Variants in SCO2 observed in about 807,000 individuals in gnomAD.
SCO2 encodes cytochrome c oxidase assembly factor SCO2.
For synonymous variants in SCO2, 195 were observed against 148.6 expected, an observed-to-expected ratio of 1.31 and a Z score of -2.27; for missense variants, 429 against 348.7, an observed-to-expected ratio of 1.23 and a Z score of -1.83.
chr22:50,524,021 T>A lies in SCO2; in HGVS notation c.391A>T (p.Thr131Ser), dbSNP rs2069210487. ...GQWVLMYFGF[T>S]HCPDICPDEL... ...TCTGGGCAGATGTCAGGGCAGTGAG[T>A]GAAGCCAAAGTACATCAGCACCCAC... Residue 131 changes from threonine (T) to serine (S), a missense_variant, in exon 2 of 2, where the codon ACT becomes TCT. Thr to Ser is a moderately conservative substitution (Grantham distance 58, BLOSUM62 1). Transcript: ENST00000395693. 1 of 1,613,336 alleles carries A rather than the reference T, an allele frequency of 6.2e-7. No homozygotes were observed. The highest frequency in any genetic ancestry group is 8.5e-7 in the Non-Finnish European group (1 of 1,180,008).
upstream of SCO2, chr22:50,525,866 C>G: frequency 6.3e-7 from 1 of 1,595,044 alleles, no homozygotes; most frequent in African/African-American, 1.3e-5. Context: ...GGGCGCGGCT[C>G]TGCGGGCCGC....
upstream of SCO2, chr22:50,526,037 C>T (rs940407207): frequency 6.1e-6 from 9 of 1,478,444 alleles, no homozygotes; most frequent in African/African-American, 2.9e-5. Flanking sequence ...ACCAGCAGCT[C>T]TGCGCCCACC....
At chr22:50,525,707 T>G (rs574821003), upstream of SCO2, 60 of 1,573,066 alleles carry the variant, frequency 3.8e-5, no homozygotes, top group East Asian at 6.8e-4. Context: ...GGCCCCCGCC[T>G]CCGCAGCCCT....
At position 50,525,470 on chromosome 22, in the gene SCO2, ACCTCGCGGCGGGGC is replaced by A; in HGVS notation, c.-26_-14+1del. 2.1e-6 allele frequency: 1 copy of A among 465,722 alleles called. No homozygotes were observed. Among genetic ancestry groups the A allele is most frequent in the South Asian group, 2.3e-5 (1 of 42,604 alleles). The allele number at this position is 465,722 out of a possible 1,614,324, so 28.8% of individuals were successfully genotyped here. A position where few individuals can be genotyped will look rare whatever the true frequency, so the allele number is the denominator to read the frequency against. ...CTCCCCTCCCAGCCCCGGCGTCCGC[ACCTCGCGGCGGGGC>A]CGCGCGTCAGTGGACCAAGCACGAG... On this transcript the variant is annotated splice_donor_variant and 5_prime_UTR_variant, in exon 1 of 2. Transcript: ENST00000395693. LOFTEE classifies it low-confidence loss of function (5UTR_SPLICE).
intron 1 of SCO2, 44 bp from the exon 2 acceptor site, chr22:50,524,468 G>T: frequency 6.3e-7 from 1 of 1,575,346 alleles, no homozygotes; most frequent in South Asian, 1.1e-5. Context: ...GGAAGGCCCA[G>T]GACAGTGCCT....
At chr22:50,525,317 G>C in intron 1 of SCO2, 155 bp downstream of exon 1, 2 of 240,598 alleles carry the variant, frequency 8.3e-6, no homozygotes, top group Non-Finnish European at 1.7e-5. Context: ...TGCCTGCTGG[G>C]AGCCTCCCAC....
chr22:50,525,676 G>C, upstream of SCO2: 4 of 1,534,180 alleles, frequency 2.6e-6, no homozygotes, highest in South Asian at 1.2e-5. Flanking sequence ...AGCCCGCCGG[G>C]GGTCACGTGT....
At chr22:50,525,932 G>A, upstream of SCO2, 3 of 1,442,058 alleles carry the variant, frequency 2.1e-6, no homozygotes, top group Middle Eastern at 2.4e-4. Context: ...CAGAGCGAGG[G>A]GCTGTTAGAG....
chr22:50,524,893 A>C, intron 1 of SCO2: 1 of 334,896 alleles, frequency 3.0e-6, no homozygotes, highest in Non-Finnish European at 5.9e-6. Context: ...TCCCAGCAGA[A>C]AACCTGCACG....
At chr22:50,525,767 G>T (rs372620403), upstream of SCO2, 25 of 1,610,702 alleles carry the variant, frequency 1.6e-5, no homozygotes, top group Non-Finnish European at 2.1e-5. Flanking sequence ...CGGCAAAGGA[G>T]CTTTATTGCT....
chr22:50,524,868 G>A (rs1360729011), intron 1 of SCO2: 3 of 358,090 alleles, frequency 8.4e-6, no homozygotes, highest in African/African-American at 6.5e-5. Context: ...AACCAACCGC[G>A]GCCTTCCTCC....
chr22:50,523,886 C>T lies in SCO2; in HGVS notation c.526G>A (p.Ala176Thr), dbSNP rs915461101. The change falls in exon 2 of 2, where the codon GCC becomes ACC. Residue 176 changes from alanine (A) to threonine (T), a missense_variant. Coordinates refer to ENST00000395693, the MANE Select transcript of SCO2 (RefSeq NM_005138.3). ...TVDPERDDVE[A>T]MARYVQDFHP... Reference sequence around the variant, plus strand: ...AAGTCCTGGACGTAGCGGGCCATGGCTTCAACGTCGTCCCGCTCGGGGTCC... The same window carrying T: ...AAGTCCTGGACGTAGCGGGCCATGGTTTCAACGTCGTCCCGCTCGGGGTCC... 5 of 1,613,914 alleles carry T rather than the reference C, an allele frequency of 3.1e-6. No homozygotes were observed. Among genetic ancestry groups the T allele is most frequent in the Non-Finnish European group, 3.4e-6 (4 of 1,180,022 alleles).
In SCO2 at chr22:50,524,288, C is replaced by T. The variant is rs1366092916; in HGVS notation, c.124G>A (p.Gly42Ser). ...CCCTGCCCACCTGTCTCTGCAGGGC[C>T]CTGCCTTGACAAAAGCCAGGACCTC... is the stretch of plus-strand genomic sequence containing the variant. The part of the protein sequence containing the change: ...HLRSWLLSRQ[G>S]PAETGGQGQP... The change falls in exon 2 of 2, where the codon GGC becomes AGC. Residue 42 changes from glycine (G) to serine (S), a missense_variant. Gly to Ser is a moderately conservative substitution (Grantham distance 56, BLOSUM62 0). Coordinates refer to ENST00000395693, the MANE Select transcript of SCO2 (RefSeq NM_005138.3). 6 of 1,603,234 alleles carry T rather than the reference C, an allele frequency of 3.7e-6. No individual in the cohort carries two copies. In the Admixed American group the frequency reaches 5.0e-5, roughly 13 times the overall value.
chr22:50,525,943 G>A (rs1217932752), upstream of SCO2: 2 of 1,426,842 alleles, frequency 1.4e-6, no homozygotes, highest in Non-Finnish European at 1.8e-6. Flanking sequence ...GCTGTTAGAG[G>A]CCGCGCGGCC....
chr22:50,524,615 C>T (rs1222999816), intron 1 of SCO2, 191 bp from the exon 2 acceptor site: 1 of 712,160 alleles, frequency 1.4e-6, no homozygotes, highest in East Asian at 2.7e-5. Context: ...GCAACCACAC[C>T]TGTCACTCCT....
upstream of SCO2, chr22:50,525,896 G>A (rs1329328094): frequency 4.0e-5 from 62 of 1,564,270 alleles, no homozygotes; most frequent in Non-Finnish European, 5.0e-5. Context: ...GGCCGTCCCG[G>A]TGCACGCGGA....
intron 1 of SCO2, 43 bp downstream of exon 1, chr22:50,525,429 T>G: frequency 2.8e-6 from 1 of 360,262 alleles, no homozygotes; most frequent in Non-Finnish European, 5.1e-6. Flanking sequence ...GTCCAGCGAG[T>G]CCTCAGGGCT....
chr22:50,523,919 T>A lies in SCO2; in HGVS notation c.493A>T (p.Ile165Phe). 6.2e-7 allele frequency: 1 copy of A among 1,613,480 alleles called. No homozygotes were observed. The highest frequency in any genetic ancestry group is 8.5e-7 in the Non-Finnish European group (1 of 1,179,740). ...PGLPPVQPVF[I>F]TVDPERDDVE... ...TCGTCCCGCTCGGGGTCCACAGTGA[T>A]GAAGACAGGCTGCACTGGAGGCAAA... The change falls in exon 2 of 2, where the codon ATC (isoleucine) becomes TTC (phenylalanine). Residue 165 changes from isoleucine to phenylalanine, a missense_variant. Transcript: ENST00000395693.
intron 1 of SCO2, among the ~76,000 whole-genome samples, chr22:50,525,252 C>A (rs1031547296): frequency 1.3e-5 from 2 of 152,256 alleles, no homozygotes; most frequent in African/African-American, 4.8e-5. Context: ...GTTCCAGGAC[C>A]ACTCGAAGCG....
Sources: allele counts gnomAD v4.1 joint callset (sites outside exome capture counted in the v4.1 genomes callset), GRCh38; gene constraint gnomAD v4.1.1; transcripts MANE v1.5; gene names NCBI Gene and HGNC (gene_info 2026-07-23, HGNC 2026-07-21).